The following STK33 variants were observed in gnomAD, a reference collection of about 807,000 sequenced individuals.
STK33 encodes serine/threonine-protein kinase 33.
STK33 carries 52 observed loss-of-function variants against 58.0 expected under a neutral mutation model. The observed-to-expected ratio is 0.90, with a 90% CI of 0.72 to 1.13. STK33 has a LOEUF of 1.13. Among genes scored for constraint, STK33 ranks in the 50% most tolerant of loss-of-function variants. STK33 has a pLI of 0.00. For missense variants in STK33, 630 were observed against 604.2 expected, an observed-to-expected ratio of 1.04 and a Z score of -0.45; for synonymous variants, 215 against 200.1, an observed-to-expected ratio of 1.07 and a Z score of -0.63.
intron 6 of STK33, among the ~76,000 whole-genome samples, chr11:8,471,813 TTGGTTATATC>T (rs1274456220): frequency 6.6e-6 from 1 of 152,134 alleles, no homozygotes; most frequent in African/African-American, 2.4e-5. Flanking sequence ...AATTTTTAAA[TTGGTTATATC>T]TGGTTGATAA....
At chr11:8,414,965 A>T (rs1940903332) in intron 14 of STK33, among the ~76,000 whole-genome samples, 1 of 152,100 alleles carries the variant, frequency 6.6e-6, no homozygotes, top group African/African-American at 2.4e-5. Flanking sequence ...ACAGTGGCTC[A>T]GTGACAGTAA....
chr11:8,457,507 A>C lies in STK33; in HGVS notation c.559-28T>G, dbSNP rs572877072. 208 of 1,534,232 alleles carry C rather than the reference A, an allele frequency of 1.4e-4. 2 individuals carry two copies. The South Asian group carries it at 2.1e-3, about 16-fold the overall frequency. ...GACATTATATATATAAAAGAGAGAG[A>C]GAGCAAATTATATATCTGGGGATCT... On this transcript the variant is annotated intron_variant, in intron 8 of 15. Coordinates refer to ENST00000687296, the MANE Select transcript of STK33 (RefSeq NM_001352389.2).
chr11:8,475,671 A>G (rs1949197417), intron 4 of STK33: 1 of 152,188 alleles, frequency 6.6e-6, no homozygotes, highest in Non-Finnish European at 1.5e-5. Context: ...CCCTGAGTCT[A>G]AAATAGGTAT....
At chr11:8,358,410 C>G in the STK33 span, among the ~76,000 whole-genome samples, 28 of 152,338 alleles carry the variant, frequency 1.8e-4, no homozygotes, top group African/African-American at 6.0e-4. Flanking sequence ...CGCCTTGTGC[C>G]TGTGTGCTCA....
chr11:8,407,781 G>C (rs1264159522), intron 15 of STK33, among the ~76,000 whole-genome samples: 2 of 152,004 alleles, frequency 1.3e-5, no homozygotes, highest in African/African-American at 4.8e-5. Flanking sequence ...AAAGGAAAAG[G>C]TAATGACAAA....
At chr11:8,571,765 G>A (rs1448020285) in intron 1 of STK33, among the ~76,000 whole-genome samples, 5 of 150,788 alleles carry the variant, frequency 3.3e-5, no homozygotes, top group African/African-American at 4.9e-5. Context: ...CCCGGGAGGC[G>A]GAGCTTGCAG....
At chr11:8,398,737 C>T (rs187948398) in intron 15 of STK33, among the ~76,000 whole-genome samples, 8,863 of 150,734 alleles carry the variant, frequency 0.059, 545 homozygotes, top group African/African-American at 0.15. Flanking sequence ...CAGAGACACA[C>T]ATAGGCTCAA....
chr11:8,575,632 C>T (rs572700295), intron 1 of STK33, among the ~76,000 whole-genome samples: 8 of 152,208 alleles, frequency 5.3e-5, no homozygotes, highest in African/African-American at 1.9e-4. Context: ...TATAGAGTTT[C>T]TGTTTGGGGT....
At chr11:8,457,996 G>C (rs1226516886) in intron 8 of STK33, among the ~76,000 whole-genome samples, 5 of 152,136 alleles carry the variant, frequency 3.3e-5, no homozygotes, top group Non-Finnish European at 7.4e-5. Context: ...AACAGGTTGG[G>C]GCCAGGTTGT....
At chr11:8,456,015 T>C (rs1946819786) in intron 9 of STK33, among the ~76,000 whole-genome samples, 1 of 152,122 alleles carries the variant, frequency 6.6e-6, no homozygotes, top group African/African-American at 2.4e-5. Context: ...AACATATCAT[T>C]ATGCTTTTAT....
the STK33 span, among the ~76,000 whole-genome samples, chr11:8,357,565 T>G: frequency 1.3e-5 from 2 of 152,364 alleles, no homozygotes; most frequent in African/African-American, 4.8e-5. Context: ...CAATTAGCCT[T>G]GAGCTCCAGG....
At chr11:8,365,965 A>G in the STK33 span, among the ~76,000 whole-genome samples, 1 of 151,938 alleles carries the variant, frequency 6.6e-6, no homozygotes, top group Non-Finnish European at 1.5e-5. Flanking sequence ...GTCTCGGTCT[A>G]TTTCCATTTA....
chr11:8,524,539 T>C (rs911499199), intron 1 of STK33, among the ~76,000 whole-genome samples: 6 of 152,108 alleles, frequency 3.9e-5, no homozygotes, highest in African/African-American at 1.4e-4. Context: ...TCACTAATTA[T>C]CCAGGAAATG....
intron 1 of STK33, among the ~76,000 whole-genome samples, chr11:8,576,791 A>T (rs1014938423): frequency 1.3e-5 from 2 of 152,178 alleles, no homozygotes; most frequent in Non-Finnish European, 2.9e-5. Context: ...CAGGCTTCAA[A>T]ACCAGAAATC....
the STK33 span, among the ~76,000 whole-genome samples, chr11:8,357,282 GC>G: frequency 6.6e-6 from 1 of 152,238 alleles, no homozygotes; most frequent in Non-Finnish European, 1.5e-5. Flanking sequence ...GCTGGGTCCG[GC>G]CCCCGCAATG....
rs546341256 is a variant in STK33, at chr11:8,502,849, C to T, written c.-465-22235G>A. ...TGAACACTTTTCAAAATATGACATA[C>T]ATGCAGCCAATAAGCATATGAAAAA... On this transcript the variant is annotated intron_variant, in intron 1 of 15. Transcript: ENST00000687296. Among the ~76,000 whole-genome samples, 27 of 152,236 alleles carry T rather than the reference C, an allele frequency of 1.8e-4. No individual in the cohort carries two copies. In the South Asian group the frequency reaches 1.9e-3, roughly 11 times the overall value.
intron 14 of STK33, among the ~76,000 whole-genome samples, chr11:8,428,253 G>A (rs907308288): frequency 2.0e-5 from 3 of 152,298 alleles, no homozygotes; most frequent in Admixed American, 1.3e-4. Flanking sequence ...ATTCAGGCAC[G>A]GCTTCAGTGC....
intron 14 of STK33, among the ~76,000 whole-genome samples, chr11:8,422,364 T>C (rs1942047725): frequency 6.6e-6 from 1 of 152,304 alleles, no homozygotes; most frequent in South Asian, 2.1e-4. Context: ...AACTTGCTAA[T>C]AGTATGTCTA....
chr11:8,401,814 C>T (rs138902943), intron 15 of STK33, among the ~76,000 whole-genome samples: 29,335 of 152,056 alleles, frequency 0.19, 3,192 homozygotes, highest in African/African-American at 0.29. Flanking sequence ...AGGATATGAA[C>T]GGACACTTCT....
Sources: gnomAD v4.1 joint callset for allele counts (sites outside exome capture counted in the v4.1 genomes callset) on GRCh38, gnomAD v4.1.1 for gene constraint, MANE v1.5 for transcripts, NCBI Gene and HGNC (gene_info 2026-07-23, HGNC 2026-07-21) for gene names.